FAM117B: variants seen among roughly 807,000 people sequenced by gnomAD.
FAM117B encodes protein FAM117B.
In FAM117B, 22 loss-of-function variants were observed where a neutral mutation model predicts 52.8. The observed-to-expected ratio is 0.42, with a 90% CI of 0.30 to 0.59. FAM117B has a LOEUF of 0.59. Among genes scored for constraint, FAM117B ranks in the 20% least tolerant of loss-of-function variants. The pLI is 0.22. For synonymous variants in FAM117B, 309 were observed against 324.1 expected (o/e 0.95, Z 0.50); for missense variants, 678 against 802.6 (o/e 0.84, Z 1.88).
chr2:202,752,923 G>T (rs540814682), intron 4 of FAM117B, among the ~76,000 whole-genome samples: 2 of 152,154 alleles, frequency 1.3e-5, no homozygotes, highest in African/African-American at 2.4e-5. Flanking sequence ...AAGTCATATT[G>T]TGAAAATGGC....
chr2:202,724,995 G>A lies in FAM117B; in HGVS notation c.832G>A (p.Asp278Asn), dbSNP rs945876506. 3 of 1,611,518 alleles carry A rather than the reference G, an allele frequency of 1.9e-6. No individual in the cohort carries two copies. The highest frequency in any genetic ancestry group is 2.5e-6 in the Non-Finnish European group (3 of 1,178,448). ...HKRSASWGST[D>N]QLKEIAKLRQ... ...GCGCTCAGCATCTTGGGGCAGTACAGATCAACTTAAGGAGGTCAGAAAAAT... is the reference window on the plus strand; with the variant it reads ...GCGCTCAGCATCTTGGGGCAGTACAAATCAACTTAAGGAGGTCAGAAAAAT... Residue 278 changes from aspartate (D) to asparagine (N), a missense_variant, in exon 3 of 8, where the codon GAT (aspartate) becomes AAT (asparagine). Asp to Asn is a conservative substitution (Grantham distance 23). Around this residue, in one of 3 missense-constraint regions of FAM117B, gnomAD observed 583 missense variants for 644.8 expected, o/e 0.90. Coordinates refer to ENST00000392238, the MANE Select transcript of FAM117B (RefSeq NM_173511.4).
intron 1 of FAM117B, among the ~76,000 whole-genome samples, chr2:202,655,743 AGAGAGAGAGAGAGAGAGAGTGT>A (rs1690044955): frequency 7.4e-6 from 1 of 134,662 alleles, no homozygotes; most frequent in African/African-American, 3.8e-5. Context: ...AGAGAGAGAG[AGAGAGAGAGAGAGAGAGAGTGT>A]GTGTGTGTGT....
intron 2 of FAM117B, among the ~76,000 whole-genome samples, chr2:202,721,127 A>T (rs11692618): frequency 0.28 from 42,208 of 151,398 alleles, 6,343 homozygotes; most frequent in East Asian, 0.54. Context: ...CCATGAGGAG[A>T]GGTATAAACC....
At chr2:202,668,114 AT>A (rs2105764284) in intron 1 of FAM117B, among the ~76,000 whole-genome samples, 1 of 145,134 alleles carries the variant, frequency 6.9e-6, no homozygotes, top group African/African-American at 2.5e-5. Flanking sequence ...TATAAAAAAT[AT>A]TTTTATAAAA....
At chr2:202,666,087 A>G (rs139498789) in intron 1 of FAM117B, among the ~76,000 whole-genome samples, 2 of 152,318 alleles carry the variant, frequency 1.3e-5, no homozygotes, top group East Asian at 3.9e-4. Context: ...AGAAGAAAAC[A>G]TTCATTCTGC....
At chr2:202,710,102 A>G (rs1690935029) in intron 2 of FAM117B, among the ~76,000 whole-genome samples, 1 of 152,184 alleles carries the variant, frequency 6.6e-6, no homozygotes, top group African/African-American at 2.4e-5. Flanking sequence ...TTATTTGGCT[A>G]TTCGTGGTCT....
intron 2 of FAM117B, among the ~76,000 whole-genome samples, chr2:202,719,696 AGTT>A (rs1691119850): frequency 6.6e-6 from 1 of 152,140 alleles, no homozygotes; most frequent in African/African-American, 2.4e-5. Context: ...CAAATTTTTC[AGTT>A]GTTCAGAATT....
intron 1 of FAM117B, among the ~76,000 whole-genome samples, chr2:202,671,573 T>C (rs987859442): frequency 6.6e-6 from 1 of 152,218 alleles, no homozygotes; most frequent in African/African-American, 2.4e-5. Flanking sequence ...GAACTGTTCA[T>C]AGAAACTGCA....
At chr2:202,645,213 G>C (rs1689841345) in intron 1 of FAM117B, among the ~76,000 whole-genome samples, 1 of 151,924 alleles carries the variant, frequency 6.6e-6, no homozygotes, top group African/African-American at 2.4e-5. Flanking sequence ...CTGGCCTTAA[G>C]TGATGCTTTT....
intron 4 of FAM117B, among the ~76,000 whole-genome samples, chr2:202,742,442 C>T (rs184753710): frequency 6.6e-6 from 1 of 152,252 alleles, no homozygotes; most frequent in African/African-American, 2.4e-5. Context: ...AATCACTGGT[C>T]AGAGATGAAC....
In FAM117B at chr2:202,726,373, C is replaced by G; in HGVS notation, c.960+10C>G. On this transcript the variant is annotated intron_variant, in intron 4 of 7. Coordinates refer to ENST00000392238, the MANE Select transcript of FAM117B (RefSeq NM_173511.4). ...TATTAACCAGTGTCAGGTAAGAGTACCAATACCACAAAATCCAGAAAAGGA... is the reference window on the plus strand; with the variant it reads ...TATTAACCAGTGTCAGGTAAGAGTAGCAATACCACAAAATCCAGAAAAGGA... The G allele has an allele frequency of 1.3e-6, 2 of 1,563,116 alleles. No homozygotes were observed. The highest frequency in any genetic ancestry group is 1.7e-6 in the Non-Finnish European group (2 of 1,145,804).
In FAM117B at chr2:202,662,976, A is replaced by G. The variant is rs150457507; in HGVS notation, c.601+27188A>G. Among the ~76,000 whole-genome samples the G allele has an allele frequency of 7.9e-5, 12 of 152,362 alleles. No individual in the cohort carries two copies. The East Asian group carries it at 1.9e-3, about 24-fold the overall frequency. On this transcript the variant is annotated intron_variant, in intron 1 of 7. Coordinates refer to ENST00000392238, the MANE Select transcript of FAM117B (RefSeq NM_173511.4). ...ATCCTGTAAACATGTACGATTGTTA[A>G]TTAGAAATAAAAAATTAAGAAATAA...
chr2:202,655,917 A>G (rs1422635920), intron 1 of FAM117B, among the ~76,000 whole-genome samples: 2 of 152,170 alleles, frequency 1.3e-5, no homozygotes, highest in East Asian at 1.9e-4. Context: ...AATTTTAACT[A>G]TAAATTCAGC....
intron 2 of FAM117B, among the ~76,000 whole-genome samples, chr2:202,697,171 A>C (rs760553820): frequency 2.6e-5 from 4 of 152,250 alleles, no homozygotes; most frequent in South Asian, 2.1e-4. Context: ...TGAAGACTGC[A>C]TCTTAGTTTG....
intron 1 of FAM117B, among the ~76,000 whole-genome samples, chr2:202,688,489 T>C (rs769077299): frequency 2.6e-5 from 4 of 152,090 alleles, no homozygotes; most frequent in Non-Finnish European, 5.9e-5. Context: ...TTTACTTGAA[T>C]TTCATAAAAG....
chr2:202,640,251 A>G (rs1453799757), intron 1 of FAM117B, among the ~76,000 whole-genome samples: 1 of 141,704 alleles, frequency 7.1e-6, no homozygotes, highest in Admixed American at 7.2e-5. Context: ...AGCCTGAGCA[A>G]CAAGAGCAAA....
intron 1 of FAM117B, among the ~76,000 whole-genome samples, chr2:202,684,948 C>T (rs1690517116): frequency 6.6e-6 from 1 of 151,966 alleles, no homozygotes; most frequent in African/African-American, 2.4e-5. Context: ...ACTCGATTAT[C>T]TAAGAGAAAA....
chr2:202,716,614 C>G (rs1473897989), intron 2 of FAM117B, among the ~76,000 whole-genome samples: 6 of 152,158 alleles, frequency 3.9e-5, no homozygotes, highest in African/African-American at 7.2e-5. Context: ...CCATCTCTTT[C>G]TTTACCTCCC....
At chr2:202,645,839 C>T (rs1689854227) in intron 1 of FAM117B, among the ~76,000 whole-genome samples, 1 of 151,090 alleles carries the variant, frequency 6.6e-6, no homozygotes, top group Non-Finnish European at 1.5e-5. Context: ...CTCCTGACCT[C>T]AGGTGATCCG....
Sources: allele counts gnomAD v4.1 joint callset (sites outside exome capture counted in the v4.1 genomes callset), GRCh38; gene constraint gnomAD v4.1.1; regional missense constraint gnomAD v4.1.1; transcripts MANE v1.5; gene names NCBI Gene and HGNC (gene_info 2026-07-23, HGNC 2026-07-21).